The following SLC4A11 variants were observed in gnomAD, a reference collection of about 807,000 sequenced individuals.
The protein encoded by SLC4A11 is bicarbonate transporter related protein 1.
Under a neutral mutation model 95.0 loss-of-function variants are expected in SLC4A11, and 74 were observed. The ratio of observed to expected loss-of-function variants is 0.78; its 90% CI spans 0.65 to 0.95. The LOEUF (loss-of-function observed/expected upper bound fraction) is 0.95. Among genes scored for constraint, SLC4A11 ranks in the 40% least tolerant of loss-of-function variants. SLC4A11 has a pLI of 0.00. For missense variants in SLC4A11, 1,081 were observed against 1,192.4 expected (o/e 0.91, Z 1.38); for synonymous variants, 548 against 519.0 (o/e 1.06, Z -0.76).
In SLC4A11 at chr20:3,230,169, G is replaced by A; in HGVS notation, c.1489+18C>T. The A allele has an allele frequency of 6.2e-7, 1 of 1,613,214 alleles. No individual in the cohort carries two copies. Among genetic ancestry groups the A allele is most frequent in the Non-Finnish European group, 8.5e-7 (1 of 1,179,872 alleles). On this transcript the variant is annotated intron_variant, in intron 13 of 19. Transcript: ENST00000642402. ...GGCTGAGCGCCCTGTTCAGCAGGTGGCCCCCAGCCGCACTCACTTTTAACC... is the reference window on the plus strand; with the variant it reads ...GGCTGAGCGCCCTGTTCAGCAGGTGACCCCCAGCCGCACTCACTTTTAACC...
rs1025464127 is a variant in SLC4A11 at position 3,230,799 on chromosome 20, G to A, written c.1215C>T (p.Tyr405=). The change falls in exon 11 of 20, where the codon TAC becomes TAT. Residue 405 remains tyrosine, a synonymous_variant. Transcript: ENST00000642402. ...CCAATGGCTGCCCAGAGAAGAGCGC[G>A]TAGAGCAGGCCCCCGATGCTCTGCC... ...IAGQSIGGLL[Y]ALFSGQPLVI... is the part of the protein sequence containing the mutation. 8 of 1,613,196 alleles carry A rather than the reference G, an allele frequency of 5.0e-6. No individual in the cohort carries two copies. Among genetic ancestry groups the A allele is most frequent in the East Asian group, 2.2e-5 (1 of 44,866 alleles).
intron 7 of SLC4A11, 72 bp downstream of exon 7, chr20:3,233,441 GA>G: frequency 6.2e-7 from 1 of 1,603,762 alleles, no homozygotes; most frequent in Non-Finnish European, 8.5e-7. Context: ...GGACATGTGG[GA>G]GGGGACCCCA....
chr20:3,233,737 T>C (rs2122592111), intron 6 of SLC4A11, 100 bp from the exon 7 acceptor site: 1 of 1,568,576 alleles, frequency 6.4e-7, no homozygotes, highest in South Asian at 1.1e-5. Flanking sequence ...CGACCTCTGC[T>C]AGGGAGGGAA....
At chr20:3,235,294 C>G (rs901569069) in intron 2 of SLC4A11, among the ~76,000 whole-genome samples, 1 of 109,562 alleles carries the variant, frequency 9.1e-6, no homozygotes, top group African/African-American at 3.1e-5. Flanking sequence ...CTCTCTCTCT[C>G]TCTCTCTCTC....
chr20:3,233,258 G>A (rs553442010), intron 7 of SLC4A11, among the ~76,000 whole-genome samples: 1 of 152,172 alleles, frequency 6.6e-6, no homozygotes. Flanking sequence ...GCCAGAGAAG[G>A]CCGCGTGTTT....
rs759540763 is a variant in SLC4A11 at position 3,228,837 on chromosome 20, C to T, written c.2192+1G>A. On this transcript the variant is annotated splice_donor_variant, in intron 17 of 19. Coordinates refer to ENST00000642402, the MANE Select transcript of SLC4A11 (RefSeq NM_001174089.2). LOFTEE classifies it high-confidence loss of function. ...ACGGCTCTTGCCAGCCTCACACTCACGTGTCATAGATGTGTCCGTTCTCCA... is the reference window on the plus strand; with the variant it reads ...ACGGCTCTTGCCAGCCTCACACTCATGTGTCATAGATGTGTCCGTTCTCCA... 121 of 1,613,664 alleles carry T rather than the reference C, an allele frequency of 7.5e-5. No individual in the cohort carries two copies. Among genetic ancestry groups the T allele is most frequent in the Non-Finnish European group, 9.1e-5 (107 of 1,180,038 alleles).
At position 3,228,300 on chromosome 20, in the gene SLC4A11, C is replaced by G. The variant is rs1008052074; in HGVS notation, c.2517G>C (p.Lys839Asn). The change falls in exon 19 of 20, where the codon AAG (lysine) becomes AAC (asparagine). Residue 839 changes from lysine to asparagine, a missense_variant. This residue lies in a region of SLC4A11 where 767 missense variants were observed against 858.0 expected (regional missense o/e 0.89). Coordinates refer to ENST00000642402, the MANE Select transcript of SLC4A11 (RefSeq NM_001174089.2). ...CGATCATGATGAGGGGAAAGATCAT[C>G]TTCATGTAGGGCAGGGAGCTCATGC... ...AFGMSSLPYMKMIFPLIMIAM... is the reference protein window; with the variant it reads ...AFGMSSLPYMNMIFPLIMIAM... 1 of 1,612,972 alleles carries G rather than the reference C, an allele frequency of 6.2e-7. No individual in the cohort carries two copies. The highest frequency in any genetic ancestry group is 1.3e-5 in the African/African-American group (1 of 74,824).
At chr20:3,228,162 C>G in intron 19 of SLC4A11, 97 bp downstream of exon 19, 1 of 1,273,430 alleles carries the variant, frequency 7.9e-7, no homozygotes, top group Non-Finnish European at 1.1e-6. Flanking sequence ...CCATTCTCCG[C>G]CCCTAGGTGG....
intron 2 of SLC4A11, among the ~76,000 whole-genome samples, chr20:3,236,785 G>T (rs116006043): frequency 6.6e-6 from 1 of 151,578 alleles, no homozygotes; most frequent in East Asian, 1.9e-4. Context: ...ACACAGCCCC[G>T]TTCTTCCCCC....
chr20:3,237,813 G>T, intron 1 of SLC4A11: 2 of 1,577,192 alleles, frequency 1.3e-6, no homozygotes, highest in Non-Finnish European at 1.7e-6. Flanking sequence ...TAGCCCATCT[G>T]CTAGGGGCTG....
Position 3,234,479 on chromosome 20 carries a change from G to T in SLC4A11, c.291+89C>A. ...TGAGCTGCTCCTGGAGGCATGGGAA[G>T]AGGGGAGCAGCGGGAGGATTCTCAG... On this transcript the variant is annotated intron_variant, in intron 4 of 19. Transcript: ENST00000642402. The surrounding 1 kb of genome is among the most constrained non-coding windows in gnomAD (Gnocchi z 5.8). The T allele has an allele frequency of 1.3e-6, 2 of 1,575,452 alleles. No individual in the cohort carries two copies. The highest frequency in any genetic ancestry group is 2.7e-5 in the African/African-American group (2 of 74,204).
At chr20:3,233,118 G>T (rs2067835110) in intron 7 of SLC4A11, among the ~76,000 whole-genome samples, 1 of 152,190 alleles carries the variant, frequency 6.6e-6, no homozygotes, top group Admixed American at 6.5e-5. Context: ...TCCCGAAATT[G>T]TATCAGTTCC....
Position 3,234,000 on chromosome 20 carries a change from G to A in SLC4A11, c.526C>T (p.His176Tyr). 6.2e-7 allele frequency: 1 copy of A among 1,613,930 alleles called. No homozygotes were observed. ...DAGAPMRGKV[H>Y]LLSDTIQGVT... ...CCTTGGATGGTATCTGACAGCAGGT[G>A]GACTGAGGAAAGAGTGAGGGGGAGG... The change falls in exon 6 of 20, where the codon CAC becomes TAC. Residue 176 changes from histidine to tyrosine, a missense_variant and splice_region_variant. By Grantham distance (83) the His-to-Tyr change is moderately conservative (BLOSUM62 2). Coordinates refer to ENST00000642402, the MANE Select transcript of SLC4A11 (RefSeq NM_001174089.2).
At chr20:3,238,673 A>G in intron 1 of SLC4A11, 1 of 1,000,014 alleles carries the variant, frequency 1.0e-6, no homozygotes, top group Non-Finnish European at 1.2e-6. Flanking sequence ...CGGGGCTCCC[A>G]CCGCGGCGCC....
At position 3,234,803 on chromosome 20, in the gene SLC4A11, C is replaced by T; in HGVS notation, c.180G>A (p.Val60=). The T allele has an allele frequency of 1.2e-6, 2 of 1,614,084 alleles. No individual in the cohort carries two copies. The highest frequency in any genetic ancestry group is 1.7e-6 in the Non-Finnish European group (2 of 1,180,028). The change falls in exon 3 of 20, where the codon GTG becomes GTA. Residue 60 remains valine, a synonymous_variant. Coordinates refer to ENST00000642402, the MANE Select transcript of SLC4A11 (RefSeq NM_001174089.2). This position sits in a 1 kb window ranked among gnomAD's most constrained non-coding sequence, Gnocchi z 5.8. The part of the protein sequence containing the change: ...EAFDTANSSI[V]SGESIRFFVN... ...CAAAAAAACGGATACTCTCGCCAGA[C>T]ACGATGGAGGAGTTGGCAGTGTCGA...
chr20:3,227,691 C>G lies in SLC4A11; in HGVS notation c.*96G>C. On this transcript the variant is annotated 3_prime_UTR_variant, in exon 20 of 20. Transcript: ENST00000642402. ...AGCCATGAGAAGGCGCAGCACAGAG[C>G]AGTCACCCACACACCTACACCTCCC... The G allele has an allele frequency of 1.5e-6, 2 of 1,316,670 alleles. No individual in the cohort carries two copies. Among genetic ancestry groups the G allele is most frequent in the Non-Finnish European group, 2.1e-6 (2 of 932,664 alleles). 81.6% of individuals were successfully genotyped at this position (1,316,670 alleles called of 1,614,324 possible).
chr20:3,234,522 CCCCCAGGTAGAGG>C lies in SLC4A11; in HGVS notation c.291+33_291+45del. 6.2e-7 allele frequency: 1 copy of C among 1,612,210 alleles called. No individual in the cohort carries two copies. The highest frequency in any genetic ancestry group is 8.5e-7 in the Non-Finnish European group (1 of 1,179,006). On this transcript the variant is annotated intron_variant, in intron 4 of 19. Transcript: ENST00000642402. This position sits in a 1 kb window ranked among gnomAD's most constrained non-coding sequence, Gnocchi z 5.8. The stretch of plus-strand genomic sequence containing the variant: ...ATTCTCAGGGAAGCCATCACCTCAG[CCCCCAGGTAGAGG>C]CCCCAGGACCACCTGCAGGACAGGC...
rs121909389 is a variant in SLC4A11 at position 3,230,587 on chromosome 20, C to T, written c.1343G>A (p.Gly448Asp). 3 of 1,613,894 alleles carry T rather than the reference C, an allele frequency of 1.9e-6. No individual in the cohort carries two copies. Among genetic ancestry groups the T allele is most frequent in the South Asian group, 2.2e-5 (2 of 91,088 alleles). ...LDFNSFYAWT[G>D]LWNSFFLALY... The stretch of plus-strand genomic sequence containing the variant: ...CGCAAGGAAGAAACTATTCCACAGG[C>T]CCGTCCATGCGTAGAAGGAGTTGAA... The change falls in exon 12 of 20, where the codon GGC becomes GAC. Residue 448 changes from glycine to aspartate, a missense_variant. Transcript: ENST00000642402.
intron 2 of SLC4A11, 35 bp downstream of exon 2, chr20:3,237,509 T>C (rs1388102275): frequency 6.2e-7 from 1 of 1,610,050 alleles, no homozygotes; most frequent in Non-Finnish European, 8.5e-7. Context: ...CGACAAGCTC[T>C]CTCTGCACAC....
Sources: allele counts gnomAD v4.1 joint callset (sites outside exome capture counted in the v4.1 genomes callset), GRCh38; gene constraint gnomAD v4.1.1; regional missense constraint gnomAD v4.1.1; non-coding constraint Gnocchi (gnomAD v3.1); transcripts MANE v1.5; gene names NCBI Gene and HGNC (gene_info 2026-07-23, HGNC 2026-07-21).